GLB1: variants seen among roughly 807,000 people sequenced by gnomAD.
GLB1 encodes galactosidase beta 1, also known as beta-galactosidase.
A neutral mutation model predicts 74.0 loss-of-function variants in GLB1; 56 were observed. The ratio of observed to expected loss-of-function variants is 0.76; its 90% confidence interval spans 0.61 to 0.94. The LOEUF is 0.94. Among genes scored for constraint, GLB1 ranks in the 40% least tolerant of loss-of-function variants. GLB1 has a pLI of 0.00. For missense variants in GLB1, 787 were observed against 845.5 expected (o/e 0.93, Z 0.86); for synonymous variants, 323 against 323.6 (o/e 1.00, Z 0.02).
chr3:33,002,875 G>A (rs1425551483), intron 15 of GLB1, among the ~76,000 whole-genome samples: 1 of 152,080 alleles, frequency 6.6e-6, no homozygotes, highest in Admixed American at 6.5e-5. Context: ...AGTTCCCAAG[G>A]TTAAAGGCTC....
At chr3:32,978,389 A>C in the GLB1 span, among the ~76,000 whole-genome samples, 1 of 12,796 alleles carries the variant, frequency 7.8e-5, no homozygotes, top group Non-Finnish European at 5.6e-4. Context: ...ATTAAAAAAC[A>C]AAAAAAAAAA....
At chr3:33,034,550 G>A (rs1698189899) in intron 10 of GLB1, 1 of 726,016 alleles carries the variant, frequency 1.4e-6, no homozygotes, top group African/African-American at 1.7e-5. Context: ...CTGCTCCTGG[G>A]ATGGTCGTGT....
intron 13 of GLB1, among the ~76,000 whole-genome samples, 177 bp downstream of exon 13, chr3:33,018,271 G>A (rs1697316879): frequency 8.3e-6 from 1 of 120,438 alleles, no homozygotes; most frequent in Non-Finnish European, 1.6e-5. Flanking sequence ...GGGCAACAGA[G>A]CAAAACCCTG....
intron 10 of GLB1, chr3:33,045,872 A>G: frequency 1.2e-6 from 1 of 830,644 alleles, no homozygotes. Flanking sequence ...GTAGCATTTA[A>G]CACTGTATTA....
At position 33,068,362 on chromosome 3, in the gene GLB1, T is replaced by C. The variant is rs1370040872; in HGVS notation, c.397-72A>G. 3.1e-6 allele frequency: 5 copies of C among 1,588,814 alleles called. No homozygotes were observed. In the Admixed American group the frequency reaches 8.8e-5, roughly 28 times the overall value. ...TGCTCAGAGGAGATAGAAATTACTA[T>C]TAGTAGTTATGGAAAAGAATAAAAG... On this transcript the variant is annotated intron_variant, in intron 3 of 15. Coordinates refer to ENST00000307363, the MANE Select transcript of GLB1 (RefSeq NM_000404.4).
At chr3:32,984,379 A>G in the GLB1 span, among the ~76,000 whole-genome samples, 85,078 of 152,048 alleles carry the variant, frequency 0.56, 27,828 homozygotes, top group Non-Finnish European at 0.72. Flanking sequence ...CCCCAGCTAG[A>G]GCCACTCAGC....
intron 2 of GLB1, among the ~76,000 whole-genome samples, chr3:33,071,328 G>A (rs1323417743): frequency 2.6e-5 from 4 of 152,182 alleles, no homozygotes; most frequent in Non-Finnish European, 5.9e-5. Context: ...TTCGGAATCT[G>A]CCTCTGGGTT....
chr3:33,051,708 C>A (rs1223792684), intron 9 of GLB1, 50 bp downstream of exon 9: 2 of 1,612,466 alleles, frequency 1.2e-6, no homozygotes, highest in Non-Finnish European at 1.7e-6. Flanking sequence ...TCAAATTAAT[C>A]AACAGAAACA....
intron 2 of GLB1, among the ~76,000 whole-genome samples, chr3:33,070,210 C>A (rs2125550665): frequency 6.6e-6 from 1 of 152,250 alleles, no homozygotes; most frequent in South Asian, 2.1e-4. Context: ...AAATAAATTT[C>A]TGACATATGT....
chr3:33,052,623 C>A, intron 7 of GLB1: 1 of 153,272 alleles, frequency 6.5e-6, no homozygotes, highest in South Asian at 2.0e-4. Flanking sequence ...TAGTGAGACT[C>A]CATTTAAAAA....
At chr3:33,056,406 G>C (rs1329209023) in intron 6 of GLB1, among the ~76,000 whole-genome samples, 3 of 148,792 alleles carry the variant, frequency 2.0e-5, no homozygotes, top group Admixed American at 2.0e-4. Flanking sequence ...GGTCTTTTTT[G>C]TGTGTGTGTA....
intron 2 of GLB1, 97 bp from the exon 3 acceptor site, chr3:33,069,067 G>C: frequency 6.3e-7 from 1 of 1,598,296 alleles, no homozygotes. Flanking sequence ...GCTAACACAT[G>C]GATAAGAGGG....
At chr3:33,096,574 AC>A in intron 1 of GLB1, 2 of 1,029,276 alleles carry the variant, frequency 1.9e-6, no homozygotes, top group Non-Finnish European at 2.3e-6. Context: ...GCCTCTCCTG[AC>A]CCCATTTTTC....
intron 10 of GLB1, among the ~76,000 whole-genome samples, chr3:33,026,843 G>A (rs1697783827): frequency 6.6e-6 from 1 of 152,110 alleles, no homozygotes; most frequent in Admixed American, 6.5e-5. Context: ...CCCTGGCTAT[G>A]GAGACAAGCT....
At chr3:33,012,381 T>C (rs1017848469) in intron 15 of GLB1, among the ~76,000 whole-genome samples, 1 of 152,146 alleles carries the variant, frequency 6.6e-6, no homozygotes, top group Non-Finnish European at 1.5e-5. Context: ...GGGAGGTGAT[T>C]AGGTCATGAA....
the GLB1 span, among the ~76,000 whole-genome samples, chr3:32,982,529 C>A: frequency 3.3e-5 from 5 of 151,784 alleles, no homozygotes; most frequent in East Asian, 9.6e-4. Flanking sequence ...CAAAGACAAA[C>A]AACTAAAGTA....
intron 15 of GLB1, among the ~76,000 whole-genome samples, chr3:33,011,268 C>T (rs942471517): frequency 2.6e-5 from 4 of 151,794 alleles, no homozygotes; most frequent in Non-Finnish European, 2.9e-5. Context: ...TAGCACTTTT[C>T]GAGGCCAAGT....
At chr3:33,008,263 C>T (rs1575404089) in intron 15 of GLB1, among the ~76,000 whole-genome samples, 1 of 152,198 alleles carries the variant, frequency 6.6e-6, no homozygotes, top group Non-Finnish European at 1.5e-5. Flanking sequence ...GTGTTTAGGT[C>T]CTAGAGCTCC....
chr3:33,006,634 C>T (rs1696802313), intron 15 of GLB1, among the ~76,000 whole-genome samples: 1 of 152,188 alleles, frequency 6.6e-6, no homozygotes, highest in East Asian at 1.9e-4. Flanking sequence ...ACATGCCTGA[C>T]CCCTTTCTAC....
Sources: allele counts gnomAD v4.1 joint callset (sites outside exome capture counted in the v4.1 genomes callset), GRCh38; gene constraint gnomAD v4.1.1; transcripts MANE v1.5; gene names NCBI Gene and HGNC (gene_info 2026-07-23, HGNC 2026-07-21).